NHS: variants seen among roughly 807,000 people sequenced by gnomAD.
NHS encodes the protein NHS actin remodeling regulator, also known as actin remodeling regulator NHS.
A neutral mutation model predicts 72.5 loss-of-function variants in NHS; 5 were observed. The ratio of observed to expected loss-of-function variants is 0.07; its 90% confidence interval spans 0.04 to 0.14. The LOEUF is 0.14. Among genes scored for constraint, NHS ranks in the 10% least tolerant of loss-of-function variants. The probability of loss-of-function intolerance (pLI) is 1.00; values close to 1 mark genes in which losing one functional copy is unlikely to be tolerated. For missense variants in NHS, 1,072 were observed against 1,355.7 expected (o/e 0.79, Z 3.29); for synonymous variants, 464 against 547.7 (o/e 0.85, Z 2.13).
chrX:17,394,580 A>C (rs1255011278), intron 1 of NHS, among the ~76,000 whole-genome samples: 1 of 112,104 alleles, frequency 8.9e-6, no homozygotes, highest in Non-Finnish European at 1.9e-5. Flanking sequence ...AGCTTCATGC[A>C]GAATAAGAGG....
chrX:17,570,931 G>A (rs1409453099), intron 1 of NHS, among the ~76,000 whole-genome samples: 1 of 112,212 alleles, frequency 8.9e-6, no homozygotes, highest in African/African-American at 3.2e-5. Flanking sequence ...AGATAATCAT[G>A]TGGTTTTTGT....
At chrX:17,719,276 C>A in intron 3 of NHS, 68 bp from the exon 4 acceptor site, 1 of 973,739 alleles carries the variant, frequency 1.0e-6, no homozygotes, top group Non-Finnish European at 1.4e-6. Flanking sequence ...TAGATTTGGC[C>A]TAACCAGTAT....
intron 1 of NHS, among the ~76,000 whole-genome samples, chrX:17,492,248 C>T (rs2064995338): frequency 8.9e-6 from 1 of 111,999 alleles, no homozygotes; most frequent in Non-Finnish European, 1.9e-5. Flanking sequence ...TTAGATCTTT[C>T]CTCCTTTCTC....
Position 17,457,054 on chromosome X carries a change from T to C in NHS, c.565+80732T>C, listed in dbSNP as rs187738063. On this transcript the variant is annotated intron_variant, in intron 1 of 8. Coordinates refer to ENST00000676302, the MANE Select transcript of NHS (RefSeq NM_001291867.2). ...ATGAAGATAGTGTTGATAATAATAA[T>C]GCAAACAAAAATTAACAGTGAACAT... Among the ~76,000 whole-genome samples, 78 of 112,089 alleles carry C rather than the reference T, an allele frequency of 7.0e-4. No individual in the cohort carries two copies. The Admixed American group carries it at 7.1e-3, about 10-fold the overall frequency.
At chrX:17,461,666 C>A (rs2064848100) in intron 1 of NHS, among the ~76,000 whole-genome samples, 1 of 112,917 alleles carries the variant, frequency 8.9e-6, no homozygotes, top group South Asian at 3.7e-4. Context: ...ACCACCCCAA[C>A]ACTTAATGGC....
chrX:17,559,112 T>A (rs1473320642), intron 1 of NHS, among the ~76,000 whole-genome samples: 3 of 112,048 alleles, frequency 2.7e-5, no homozygotes, highest in African/African-American at 9.7e-5. Context: ...ATCTACCTGT[T>A]TTCTATGTGG....
chrX:17,538,159 C>G (rs1185091448), intron 1 of NHS, among the ~76,000 whole-genome samples: 1 of 112,034 alleles, frequency 8.9e-6, no homozygotes, highest in Non-Finnish European at 1.9e-5. Flanking sequence ...CAGGTTTGTG[C>G]ATTTCCTCAT....
At chrX:17,426,287 C>T (rs1043623344) in intron 1 of NHS, among the ~76,000 whole-genome samples, 3 of 112,179 alleles carry the variant, frequency 2.7e-5, no homozygotes, top group Non-Finnish European at 3.8e-5. Context: ...ATTATCCTAA[C>T]ACGTAACATC....
chrX:17,694,918 G>T (rs1433347880), intron 3 of NHS, among the ~76,000 whole-genome samples: 2 of 111,743 alleles, frequency 1.8e-5, no homozygotes, highest in East Asian at 5.6e-4. Context: ...CTGACTCCCA[G>T]TCTCTTTATC....
intron 1 of NHS, among the ~76,000 whole-genome samples, chrX:17,542,986 T>C (rs2065271860): frequency 8.9e-6 from 1 of 112,405 alleles, no homozygotes; most frequent in Non-Finnish European, 1.9e-5. Flanking sequence ...TGATTACTTG[T>C]ATATTATTAA....
intron 1 of NHS, among the ~76,000 whole-genome samples, chrX:17,543,534 G>A (rs1169698346): frequency 8.9e-6 from 1 of 112,190 alleles, no homozygotes; most frequent in Non-Finnish European, 1.9e-5. Context: ...GAAGGCAGAC[G>A]GAGCTGATGG....
chrX:17,586,308 G>A (rs1043431851), intron 1 of NHS: 6 of 111,611 alleles, frequency 5.4e-5, no homozygotes, highest in African/African-American at 2.0e-4. Context: ...TGTGCCAACT[G>A]AGAATGGCTA....
Position 17,731,943 on chromosome X carries a change from AG to A in NHS, c.4436del (p.Ser1479ThrfsTer13), listed in dbSNP as rs1266278853. 18 of 1,209,946 alleles carry A rather than the reference AG, an allele frequency of 1.5e-5. No individual in the cohort carries two copies. The highest frequency in any genetic ancestry group is 8.7e-5 in the Admixed American group (4 of 45,785). On this transcript the variant is annotated frameshift_variant, in exon 9 of 9. Transcript: ENST00000676302. LOFTEE classifies it high-confidence loss of function. ...KSRAPLSSSS[S>X]SASSITSPSS... The stretch of plus-strand genomic sequence containing the variant: ...GAGAGCTCCCCTCAGCAGTAGCAGC[AG>A]CAGCGCCAGTTCCATCACTTCACCC...
chrX:17,521,366 C>CTTTTTTTTTTTTTTTTT lies in NHS; in HGVS notation c.565+145057_565+145058insTTTTTTTTTTTTTTTTT, dbSNP rs766662277. Among the ~76,000 whole-genome samples the CTTTTTTTTTTTTTTTTT allele has an allele frequency of 1.7e-4, 17 of 97,344 alleles. 1 individual carries two copies. The highest frequency in any genetic ancestry group is 7.3e-4 in the African/African-American group (17 of 23,153). The allele number at this position is 97,344 out of a possible 115,157, so 84.5% of individuals were successfully genotyped here. A position where few individuals can be genotyped will look rare whatever the true frequency, so the allele number is the denominator to read the frequency against. ...AGTTCTACCTTTTTCTCCCTTCCCTCTTTTTTTTTTTTTGAGACAGGGTCT... is the reference window on the plus strand; with the variant it reads ...AGTTCTACCTTTTTCTCCCTTCCCTCTTTTTTTTTTTTTTTTTTTTTTTTTTTTTTGAGACAGGGTCT... On this transcript the variant is annotated intron_variant, in intron 1 of 8. Transcript: ENST00000676302.
chrX:17,433,877 C>T (rs1377669665), intron 1 of NHS, among the ~76,000 whole-genome samples: 1 of 112,131 alleles, frequency 8.9e-6, no homozygotes, highest in African/African-American at 3.3e-5. Context: ...CCACGATAAA[C>T]TAACTTCTAC....
At chrX:17,626,606 A>G (rs1382957422) in intron 1 of NHS, among the ~76,000 whole-genome samples, 2 of 111,788 alleles carry the variant, frequency 1.8e-5, no homozygotes, top group Non-Finnish European at 3.8e-5. Context: ...CTAAGTGCTT[A>G]GTGATGAACT....
At chrX:17,496,422 A>G (rs1387724664) in intron 1 of NHS, among the ~76,000 whole-genome samples, 1 of 111,556 alleles carries the variant, frequency 9.0e-6, no homozygotes, top group East Asian at 2.8e-4. Flanking sequence ...TTTCTGGGAT[A>G]AAAAAGGAAG....
At chrX:17,557,731 G>A (rs2065387830) in intron 1 of NHS, among the ~76,000 whole-genome samples, 1 of 111,379 alleles carries the variant, frequency 9.0e-6, no homozygotes, top group African/African-American at 3.3e-5. Context: ...TTGCTTGCAA[G>A]CTTGCTCATA....
In NHS at chrX:17,606,646, G is replaced by T. The variant is rs984035318; in HGVS notation, c.566-81096G>T. 6.2e-5 allele frequency among the ~76,000 whole-genome samples: 7 copies of T among 112,378 alleles called. No homozygotes were observed. In the Admixed American group the frequency reaches 6.6e-4, roughly 11 times the overall value. ...TTCTAGAAGTTTTCTATTTCCTACA[G>T]ATGGGGTGGTTCGTACTGCTTTTAA... On this transcript the variant is annotated intron_variant, in intron 1 of 8. Transcript: ENST00000676302.
Sources: gnomAD v4.1 joint callset for allele counts (sites outside exome capture counted in the v4.1 genomes callset) on GRCh38, gnomAD v4.1.1 for gene constraint, MANE v1.5 for transcripts, NCBI Gene and HGNC (gene_info 2026-07-23, HGNC 2026-07-21) for gene names.